The following PPA1 variants were observed in gnomAD, a reference collection of about 807,000 sequenced individuals.
The protein encoded by PPA1 is inorganic pyrophosphatase 1, also known as inorganic pyrophosphatase.
Under a neutral mutation model 41.8 loss-of-function variants are expected in PPA1, and 23 were observed. The observed-to-expected ratio is 0.55, with a 90% confidence interval of 0.40 to 0.78. PPA1 has a LOEUF of 0.78. Among genes scored for constraint, PPA1 ranks in the 30% least tolerant of loss-of-function variants. The probability of loss-of-function intolerance (pLI) is 0.00; values close to 1 mark genes in which losing one functional copy is unlikely to be tolerated. For synonymous variants in PPA1, 101 were observed against 116.8 expected (o/e 0.86, Z 0.87); for missense variants, 320 against 361.6 (o/e 0.89, Z 0.93).
chr10:70,210,545 G>T, intron 6 of PPA1: 4 of 796,900 alleles, frequency 5.0e-6, no homozygotes, highest in Non-Finnish European at 6.8e-6. Context: ...TGACAGAAAA[G>T]TGCACTGCTT....
At chr10:70,204,825 C>A in intron 10 of PPA1, 48 bp downstream of exon 10, 1 of 1,424,092 alleles carries the variant, frequency 7.0e-7, no homozygotes, top group Non-Finnish European at 9.7e-7. Context: ...ATAATTTTTC[C>A]ATAACTGTGT....
chr10:70,217,325 A>G (rs1187931379), intron 4 of PPA1, among the ~76,000 whole-genome samples: 1 of 152,142 alleles, frequency 6.6e-6, no homozygotes, highest in Non-Finnish European at 1.5e-5. Context: ...TAAGTGCTTT[A>G]TTTTTTGAAA....
chr10:70,222,916 G>A (rs1840191603), intron 2 of PPA1, among the ~76,000 whole-genome samples: 1 of 143,510 alleles, frequency 7.0e-6, no homozygotes, highest in African/African-American at 2.6e-5. Flanking sequence ...TCCCACCTAT[G>A]AGTGAGAAAT....
intron 2 of PPA1, among the ~76,000 whole-genome samples, chr10:70,219,844 T>G (rs1169296945): frequency 1.3e-5 from 2 of 152,206 alleles, no homozygotes; most frequent in Non-Finnish European, 2.9e-5. Flanking sequence ...TAATTAAACT[T>G]GAGCTTTAAT....
rs1840277186 is a variant in PPA1 at position 70,230,362 on chromosome 10, A to G, written c.102T>C (p.Asp34=). ...EKGQYISPFH[D]IPIYADKDVF... is the part of the protein sequence containing the mutation. Reference sequence around the variant, plus strand: ...TTACCTTATCTGCATAAATTGGAATATCATGAAATGGAGATATATATTGTC... The same window carrying G: ...TTACCTTATCTGCATAAATTGGAATGTCATGAAATGGAGATATATATTGTC... The change falls in exon 2 of 11, where the codon GAT becomes GAC. Residue 34 remains aspartate, a synonymous_variant. Coordinates refer to ENST00000373232, the MANE Select transcript of PPA1 (RefSeq NM_021129.4). 1.9e-6 allele frequency: 3 copies of G among 1,613,344 alleles called. No homozygotes were observed. The African/African-American group carries it at 4.0e-5, about 21-fold the overall frequency.
chr10:70,225,421 C>T (rs1840219112), intron 2 of PPA1, among the ~76,000 whole-genome samples: 1 of 151,928 alleles, frequency 6.6e-6, no homozygotes, highest in South Asian at 2.1e-4. Flanking sequence ...CACCATGTTG[C>T]TGAGGCTGGT....
Position 70,233,423 on chromosome 10 carries a change from G to C in PPA1, c.-96C>G, listed in dbSNP as rs1840316283. On this transcript the variant is annotated 5_prime_UTR_variant, in exon 1 of 11. Coordinates refer to ENST00000373232, the MANE Select transcript of PPA1 (RefSeq NM_021129.4). ...AGAGCCCCACGCCTGCGCACTGCGA[G>C]CACTGGACCGGCGGGCGGGGCGGGG... 4 of 1,452,114 alleles carry C rather than the reference G, an allele frequency of 2.8e-6. No individual in the cohort carries two copies. The allele number at this position is 1,452,114 out of a possible 1,614,324, so 90.0% of individuals were successfully genotyped here.
intron 6 of PPA1, chr10:70,210,250 A>C (rs1840001591): frequency 1.7e-6 from 1 of 577,034 alleles, no homozygotes; most frequent in Admixed American, 2.8e-5. Flanking sequence ...CTAATTTTTA[A>C]ATTTTTTGTA....
At chr10:70,206,887 GAGGGGAGGGGAGGAGAGGAC>G (rs1313344828) in intron 8 of PPA1, among the ~76,000 whole-genome samples, 38 of 98,616 alleles carry the variant, frequency 3.9e-4, no homozygotes, top group Middle Eastern at 5.7e-3. Context: ...GAGGGGAGGG[GAGGGGAGGGGAGGAGAGGAC>G]GAAAGAAACT....
At chr10:70,220,224 C>G (rs1037670871) in intron 2 of PPA1, among the ~76,000 whole-genome samples, 1 of 149,110 alleles carries the variant, frequency 6.7e-6, no homozygotes, top group African/African-American at 2.5e-5. Context: ...GCCACCGCAC[C>G]TGGCCTGCAA....
intron 6 of PPA1, chr10:70,210,351 A>C (rs1248403649): frequency 1.5e-6 from 2 of 1,362,094 alleles, no homozygotes; most frequent in East Asian, 9.2e-5. Flanking sequence ...CACTGGGATT[A>C]CAGGCTTGAG....
intron 8 of PPA1, among the ~76,000 whole-genome samples, chr10:70,206,899 G>A (rs1423109113): frequency 8.4e-6 from 1 of 118,846 alleles, no homozygotes; most frequent in East Asian, 2.7e-4. Context: ...GGGGAGGGGA[G>A]GAGAGGACGA....
chr10:70,231,735 AGT>A (rs1840291350), intron 1 of PPA1, among the ~76,000 whole-genome samples: 1 of 152,254 alleles, frequency 6.6e-6, no homozygotes, highest in Admixed American at 6.5e-5. Flanking sequence ...ATAACTATGT[AGT>A]GGGTTCTAAT....
chr10:70,211,273 A>G (rs1205913639), intron 6 of PPA1, among the ~76,000 whole-genome samples: 1 of 152,202 alleles, frequency 6.6e-6, no homozygotes, highest in East Asian at 1.9e-4. Context: ...ATGTTTTCCA[A>G]TAACAGAAAC....
chr10:70,213,029 T>C (rs1840039667), intron 6 of PPA1, among the ~76,000 whole-genome samples: 1 of 152,182 alleles, frequency 6.6e-6, no homozygotes, highest in African/African-American at 2.4e-5. Context: ...CAGGGAGTGA[T>C]TGCCCATGGA....
intron 8 of PPA1, among the ~76,000 whole-genome samples, chr10:70,207,788 C>G (rs1239244194): frequency 6.6e-6 from 1 of 152,054 alleles, no homozygotes; most frequent in African/African-American, 2.4e-5. Flanking sequence ...CCACTTTAGT[C>G]TAAAATATGG....
intron 8 of PPA1, 44 bp downstream of exon 8, chr10:70,209,161 C>T: frequency 7.3e-7 from 1 of 1,364,348 alleles, no homozygotes; most frequent in Non-Finnish European, 1.0e-6. Context: ...TTTCTGCAAG[C>T]TGGTCTGCTT....
At chr10:70,220,406 C>A (rs1338217772) in intron 2 of PPA1, among the ~76,000 whole-genome samples, 1 of 140,352 alleles carries the variant, frequency 7.1e-6, no homozygotes, top group East Asian at 2.0e-4. Context: ...ATGCATGCCA[C>A]CACATCCAGC....
rs1013045796 is a variant in PPA1 at position 70,203,018 on chromosome 10, G to T, written c.*137C>A. ...AGATGGATAACATTCTGAGTATATT[G>T]GATTAGTCACAGCAGAATTTACTTT... On this transcript the variant is annotated 3_prime_UTR_variant, in exon 11 of 11. Transcript: ENST00000373232. The T allele has an allele frequency of 7.2e-6, 6 of 830,982 alleles. No homozygotes were observed. In the African/African-American group the frequency reaches 1.0e-4, roughly 14 times the overall value. 51.5% of individuals were successfully genotyped at this position (830,982 alleles called of 1,614,324 possible).
Sources: allele counts gnomAD v4.1 joint callset (sites outside exome capture counted in the v4.1 genomes callset), GRCh38; gene constraint gnomAD v4.1.1; transcripts MANE v1.5; gene names NCBI Gene and HGNC (gene_info 2026-07-23, HGNC 2026-07-21).